The following RNF126 variants were observed in gnomAD, a reference collection of about 807,000 sequenced individuals.
The protein encoded by RNF126 is E3 ubiquitin-protein ligase RNF126.
Under a neutral mutation model 41.9 loss-of-function variants are expected in RNF126, and 20 were observed. The ratio of observed to expected loss-of-function variants is 0.48; its 90% CI spans 0.34 to 0.69. RNF126 has a LOEUF of 0.69. Among genes scored for constraint, RNF126 ranks in the 30% least tolerant of loss-of-function variants. The pLI is 0.01. For synonymous variants in RNF126, 239 were observed against 202.9 expected (o/e 1.18, Z -1.51); for missense variants, 433 against 460.6 (o/e 0.94, Z 0.55).
At chr19:653,831 G>A (rs762402257) in intron 1 of RNF126, among the ~76,000 whole-genome samples, 11 of 152,216 alleles carry the variant, frequency 7.2e-5, no homozygotes, top group African/African-American at 9.6e-5. Context: ...GGCCTCACAC[G>A]GCACGTGTCA....
chr19:648,623 G>C, intron 7 of RNF126, 136 bp from the exon 8 acceptor site: 2 of 739,138 alleles, frequency 2.7e-6, no homozygotes, highest in South Asian at 1.7e-5. Flanking sequence ...TGTGTCCCCC[G>C]GGCTGCCAGA....
chr19:650,369 G>T, intron 4 of RNF126, 73 bp from the exon 5 acceptor site: 3 of 1,358,898 alleles, frequency 2.2e-6, no homozygotes, highest in Non-Finnish European at 3.1e-6. Context: ...TGCCAGGTCC[G>T]TGGTGAGCAC....
chr19:663,130 CCACCTA>C lies in RNF126; in HGVS notation c.-15_-10del. 2 of 1,242,226 alleles carry C rather than the reference CCACCTA, an allele frequency of 1.6e-6. No individual in the cohort carries two copies. Among genetic ancestry groups the C allele is most frequent in the Non-Finnish European group, 2.0e-6 (2 of 988,292 alleles). The allele number at this position is 1,242,226 out of a possible 1,614,324, so 77.0% of individuals were successfully genotyped here. A position where few individuals can be genotyped will look rare whatever the true frequency, so the allele number is the denominator to read the frequency against. ...GGCGACGCCTCGGCCATGGCCGCCG[CCACCTA>C]CTCCGCGCCGCCCGCCCCCCGCGCG... On this transcript the variant is annotated 5_prime_UTR_variant, in exon 1 of 9. Coordinates refer to ENST00000292363, the MANE Select transcript of RNF126 (RefSeq NM_194460.3).
chr19:657,358 G>A (rs1220980005), intron 1 of RNF126, among the ~76,000 whole-genome samples: 1 of 152,216 alleles, frequency 6.6e-6, no homozygotes, highest in Non-Finnish European at 1.5e-5. Context: ...TCAGTCCAGG[G>A]CACAACGCAT....
In RNF126 at chr19:648,199, T is replaced by C. The variant is rs746837620; in HGVS notation, c.865A>G (p.Ser289Gly). ...GACGATGACGACGAGGAGGAGAAGC[T>C]CACCCCAGTGAGGCCAGGGGGGTTC... ...ATNPPGLTGV[S>G]FSSSSSSSSS... Residue 289 changes from serine to glycine, a missense_variant, in exon 9 of 9, where the codon AGC (serine) becomes GGC (glycine). Around this residue, in one of 5 missense-constraint regions of RNF126, gnomAD observed 63 missense variants for 47.9 expected, o/e 1.32. Transcript: ENST00000292363. The C allele has an allele frequency of 6.2e-7, 1 of 1,607,000 alleles. No individual in the cohort carries two copies.
intron 1 of RNF126, among the ~76,000 whole-genome samples, chr19:658,965 C>A (rs1235623442): frequency 6.6e-6 from 1 of 152,188 alleles, no homozygotes; most frequent in South Asian, 2.1e-4. Context: ...CAGACCCCAG[C>A]GCCAGCCGGC....
Position 651,602 on chromosome 19 carries a change from C to A in RNF126, c.443+9G>T. ...GGGGCCCTCGCGGCCACCCCCGGGGCCCCCTCACCCTTCCAGCGTGGGGAC... is the reference window on the plus strand; with the variant it reads ...GGGGCCCTCGCGGCCACCCCCGGGGACCCCTCACCCTTCCAGCGTGGGGAC... On this transcript the variant is annotated intron_variant, in intron 4 of 8. Coordinates refer to ENST00000292363, the MANE Select transcript of RNF126 (RefSeq NM_194460.3). The A allele has an allele frequency of 7.1e-7, 1 of 1,409,658 alleles. No homozygotes were observed. The highest frequency in any genetic ancestry group is 9.2e-7 in the Non-Finnish European group (1 of 1,086,334). The allele number at this position is 1,409,658 out of a possible 1,614,324, so 87.3% of individuals were successfully genotyped here. A position where few individuals can be genotyped will look rare whatever the true frequency, so the allele number is the denominator to read the frequency against.
chr19:653,624 C>A (rs12981407), intron 1 of RNF126, among the ~76,000 whole-genome samples: 1 of 152,158 alleles, frequency 6.6e-6, no homozygotes, highest in Non-Finnish European at 1.5e-5. Context: ...GGCTGGGCCC[C>A]TGGTGATGGC....
rs772667808 is a variant in RNF126 at position 652,832 on chromosome 19, T to C, written c.128A>G (p.Glu43Gly). 1 of 1,613,044 alleles carries C rather than the reference T, an allele frequency of 6.2e-7. No homozygotes were observed. Among genetic ancestry groups the C allele is most frequent in the Non-Finnish European group, 8.5e-7 (1 of 1,179,646 alleles). ...ESGFIEELPE[E>G]TRSTENGSAP... ...CAACAGGGGGCTGCATTACCTGGTC[T>C]CTTCCGGAAGCTCCTCGATAAAACC... The change falls in exon 2 of 9, where the codon GAG (glutamate) becomes GGG (glycine). Residue 43 changes from glutamate to glycine, a missense_variant. By Grantham distance (98) the Glu-to-Gly change is moderately conservative. Coordinates refer to ENST00000292363, the MANE Select transcript of RNF126 (RefSeq NM_194460.3).
At chr19:652,972 C>T in intron 1 of RNF126, 88 bp from the exon 2 acceptor site, 2 of 1,278,300 alleles carry the variant, frequency 1.6e-6, no homozygotes, top group East Asian at 4.9e-5. Flanking sequence ...GGCTCCGGAC[C>T]CAGCGGTCTC....
At chr19:661,991 C>T (rs1377841158) in intron 1 of RNF126, among the ~76,000 whole-genome samples, 2 of 152,104 alleles carry the variant, frequency 1.3e-5, no homozygotes, top group Non-Finnish European at 2.9e-5. Flanking sequence ...CACCACTTTG[C>T]ACGTCAGCCT....
At chr19:656,253 G>A (rs1030362350) in intron 1 of RNF126, among the ~76,000 whole-genome samples, 113 of 152,286 alleles carry the variant, frequency 7.4e-4, no homozygotes, top group African/African-American at 2.5e-3. Context: ...GGGAGGCTGA[G>A]GTGCCAGGAT....
rs773365857 is a variant in RNF126, at chr19:652,291, G to C, written c.140C>G (p.Thr47Arg). 5.8e-6 allele frequency: 9 copies of C among 1,556,566 alleles called. No individual in the cohort carries two copies. In the Admixed American group the frequency reaches 1.1e-4, roughly 19 times the overall value. The change falls in exon 3 of 9, where the codon ACA becomes AGA. Residue 47 changes from threonine (T) to arginine (R), a missense_variant. Transcript: ENST00000292363. ...TGTGGAGGGGGCAGAACCATTTTCT[G>C]TGCTCCTGGGGAGAGAGTGCAGGTC... Reference protein sequence around the residue: ...IEELPEETRSTENGSAPSTAP... With the variant: ...IEELPEETRSRENGSAPSTAP...
At position 648,895 on chromosome 19, in the gene RNF126, A is replaced by G. The variant is rs1232954387; in HGVS notation, c.657T>C (p.Thr219=). Residue 219 remains threonine, a synonymous_variant, in exon 7 of 9, where the codon ACT becomes ACC. Transcript: ENST00000292363. ...GAGCTCTCATACCTACGTGCTCCTCAGTGACGGGGACGGTGGGGAGGGCCT... is the reference window on the plus strand; with the variant it reads ...GAGCTCTCATACCTACGTGCTCCTCGGTGACGGGGACGGTGGGGAGGGCCT... ...KIQALPTVPV[T]EEHVGSGLEC... is the part of the protein sequence containing the mutation. 9.1e-6 allele frequency: 13 copies of G among 1,434,572 alleles called. No homozygotes were observed. The highest frequency in any genetic ancestry group is 2.3e-4 in the Middle Eastern group (1 of 4,288). The allele number at this position is 1,434,572 out of a possible 1,614,324, so 88.9% of individuals were successfully genotyped here. A position where few individuals can be genotyped will look rare whatever the true frequency, so the allele number is the denominator to read the frequency against.
rs2030056157 is a variant in RNF126 at position 648,168 on chromosome 19, G to A, written c.896C>T (p.Ser299Phe). ...GGCGTTCTCGTTGCTGGGCGAGCTG[G>A]AGGAGGACGATGACGACGAGGAGGA... ...SFSSSSSSSS[S>F]SSPSNENATS... The change falls in exon 9 of 9, where the codon TCC (serine) becomes TTC (phenylalanine). Residue 299 changes from serine (S) to phenylalanine (F), a missense_variant. By Grantham distance (155) the Ser-to-Phe change is radical. This residue lies in a region of RNF126 where 63 missense variants were observed against 47.9 expected (regional missense o/e 1.32). Transcript: ENST00000292363. 1.2e-6 allele frequency: 2 copies of A among 1,605,790 alleles called. No individual in the cohort carries two copies. Among genetic ancestry groups the A allele is most frequent in the Non-Finnish European group, 1.7e-6 (2 of 1,174,878 alleles).
chr19:648,176 C>G lies in RNF126; in HGVS notation c.888G>C (p.Ser296=), dbSNP rs200508004. 8 of 1,605,880 alleles carry G rather than the reference C, an allele frequency of 5.0e-6. No individual in the cohort carries two copies. In the African/African-American group the frequency reaches 8.0e-5, roughly 16 times the overall value. Reference sequence around the variant, plus strand: ...CGTTGCTGGGCGAGCTGGAGGAGGACGATGACGACGAGGAGGAGAAGCTCA... The same window carrying G: ...CGTTGCTGGGCGAGCTGGAGGAGGAGGATGACGACGAGGAGGAGAAGCTCA... ...TGVSFSSSSS[S]SSSSSPSNEN... is the part of the protein sequence containing the mutation. Residue 296 remains serine, a synonymous_variant, in exon 9 of 9, where the codon TCG becomes TCC. Coordinates refer to ENST00000292363, the MANE Select transcript of RNF126 (RefSeq NM_194460.3).
intron 1 of RNF126, among the ~76,000 whole-genome samples, chr19:662,102 T>G (rs2030827933): frequency 6.6e-6 from 1 of 152,116 alleles, no homozygotes. Flanking sequence ...AAGAATCGCT[T>G]GAGCCCAGGA....
intron 1 of RNF126, among the ~76,000 whole-genome samples, chr19:654,344 G>A (rs1200659873): frequency 1.3e-5 from 2 of 152,200 alleles, no homozygotes; most frequent in Non-Finnish European, 2.9e-5. Context: ...ACGAATTCTC[G>A]GCACGCTCCG....
chr19:663,141 G>GCGCCGCC lies in RNF126; in HGVS notation c.-27_-21dup, dbSNP rs2030885084. 2.5e-6 allele frequency: 3 copies of GCGCCGCC among 1,178,904 alleles called. No individual in the cohort carries two copies. Among genetic ancestry groups the GCGCCGCC allele is most frequent in the Non-Finnish European group, 3.2e-6 (3 of 947,632 alleles). The allele number at this position is 1,178,904 out of a possible 1,614,324, so 73.0% of individuals were successfully genotyped here. Reference sequence around the variant, plus strand: ...GGCCATGGCCGCCGCCACCTACTCCGCGCCGCCCGCCCCCCGCGCGGCACC... The same window carrying GCGCCGCC: ...GGCCATGGCCGCCGCCACCTACTCCGCGCCGCCCGCCGCCCGCCCCCCGCGCGGCACC... On this transcript the variant is annotated 5_prime_UTR_variant, in exon 1 of 9. Transcript: ENST00000292363.
Sources: allele counts gnomAD v4.1 joint callset (sites outside exome capture counted in the v4.1 genomes callset), GRCh38; gene constraint gnomAD v4.1.1; regional missense constraint gnomAD v4.1.1; transcripts MANE v1.5; gene names NCBI Gene and HGNC (gene_info 2026-07-23, HGNC 2026-07-21).